The following NRAS variants were observed in gnomAD, a reference collection of about 807,000 sequenced individuals.
NRAS encodes GTPase NRas.
NRAS carries 6 observed loss-of-function variants against 21.3 expected under a neutral mutation model. That is an observed-to-expected ratio of 0.28 (90% CI 0.15 to 0.56). The LOEUF is 0.56. Ranked by LOEUF, NRAS falls within the 20% of genes least tolerant of loss-of-function variation. The pLI is 0.93. For synonymous variants in NRAS, 84 were observed against 82.0 expected (o/e 1.02, Z -0.13); for missense variants, 143 against 231.3 (o/e 0.62, Z 2.48).
rs561454027 is a variant in NRAS, at chr1:114,704,903, G to A, written c.*3191C>T. 6.6e-6 allele frequency: 1 copy of A among 152,246 alleles called. No individual in the cohort carries two copies. The highest frequency in any genetic ancestry group is 2.4e-5 in the African/African-American group (1 of 41,546). 9.4% of individuals were successfully genotyped at this position (152,246 alleles called of 1,614,324 possible). A position where few individuals can be genotyped will look rare whatever the true frequency, so the allele number is the denominator to read the frequency against. On this transcript the variant is annotated 3_prime_UTR_variant, in exon 7 of 7. Transcript: ENST00000369535. ...GCACATTAGACTGCTCAAAGAAACA[G>A]CAAAGATGAAAAATAATGTACAAGA...
Position 114,705,340 on chromosome 1 carries a change from C to A in NRAS, c.*2754G>T, listed in dbSNP as rs1269671992. ...CTATAGTAAGCCGTTGGAGCAAATA[C>A]AGCATTTAACAGGTTCATTTACAGA... On this transcript the variant is annotated 3_prime_UTR_variant, in exon 7 of 7. Coordinates refer to ENST00000369535, the MANE Select transcript of NRAS (RefSeq NM_002524.5). 1 of 152,190 alleles carries A rather than the reference C, an allele frequency of 6.6e-6. No individual in the cohort carries two copies. Among genetic ancestry groups the A allele is most frequent in the Admixed American group, 6.5e-5 (1 of 15,286 alleles). 9.4% of individuals were successfully genotyped at this position (152,190 alleles called of 1,614,324 possible).
Position 114,716,040 on chromosome 1 carries a change from T to C in NRAS, c.111+10A>G, listed in dbSNP as rs1659156787. The C allele has an allele frequency of 1.3e-6, 2 of 1,514,960 alleles. No individual in the cohort carries two copies. Among genetic ancestry groups the C allele is most frequent in the East Asian group, 2.2e-5 (1 of 44,472 alleles). 93.8% of individuals were successfully genotyped at this position (1,514,960 alleles called of 1,614,324 possible). A position where few individuals can be genotyped will look rare whatever the true frequency, so the allele number is the denominator to read the frequency against. On this transcript the variant is annotated intron_variant, in intron 2 of 6. Coordinates refer to ENST00000369535, the MANE Select transcript of NRAS (RefSeq NM_002524.5). The stretch of plus-strand genomic sequence containing the variant: ...CAGGATCAGGTCAGCGGGCTACCAC[T>C]GGGCCTCACCTCTATGGTGGGATCA...
chr1:114,716,307 A>C (rs1290696827), intron 1 of NRAS, 130 bp from the exon 2 acceptor site: 2 of 708,242 alleles, frequency 2.8e-6, no homozygotes, highest in Non-Finnish European at 2.6e-6. Flanking sequence ...TAGAGAACGC[A>C]AAAACACCGG....
rs1328956533 is a variant in NRAS, at chr1:114,705,628, A to C, written c.*2466T>G. On this transcript the variant is annotated 3_prime_UTR_variant, in exon 7 of 7. Transcript: ENST00000369535. ...GTGCCAAAATTCACACCTAGGTGTA[A>C]CTTTTTTTTTGGAGACAAGTCTCTC... 1 of 152,152 alleles carries C rather than the reference A, an allele frequency of 6.6e-6. No individual in the cohort carries two copies. The highest frequency in any genetic ancestry group is 2.4e-5 in the African/African-American group (1 of 41,430). The allele number at this position is 152,152 out of a possible 1,614,324, so 9.4% of individuals were successfully genotyped here. A position where few individuals can be genotyped will look rare whatever the true frequency, so the allele number is the denominator to read the frequency against.
At chr1:114,708,793 A>C (rs1436382651) in intron 4 of NRAS, 139 bp from the exon 5 acceptor site, 2 of 757,794 alleles carry the variant, frequency 2.6e-6, no homozygotes, top group Non-Finnish European at 4.3e-6. Context: ...AAAATAAAAT[A>C]TGGTGATTTA....
chr1:114,713,035 G>A (rs1048956803), intron 3 of NRAS, among the ~76,000 whole-genome samples: 2 of 152,156 alleles, frequency 1.3e-5, no homozygotes, highest in East Asian at 1.9e-4. Context: ...TTCTGATTCT[G>A]CAAAATAAGA....
rs1421701076 is a variant in NRAS at position 114,706,672 on chromosome 1, T to A, written c.*1422A>T. 4 of 152,224 alleles carry A rather than the reference T, an allele frequency of 2.6e-5. No homozygotes were observed. Among genetic ancestry groups the A allele is most frequent in the African/African-American group, 9.6e-5 (4 of 41,456 alleles). The allele number at this position is 152,224 out of a possible 1,614,324, so 9.4% of individuals were successfully genotyped here. On this transcript the variant is annotated 3_prime_UTR_variant, in exon 7 of 7. Transcript: ENST00000369535. Reference sequence around the variant, plus strand: ...GAGTTTTCCAGTCATGGTAAAGGGTTTGTGCTAACTGACCTCTTCTTTCCT... The same window carrying A: ...GAGTTTTCCAGTCATGGTAAAGGGTATGTGCTAACTGACCTCTTCTTTCCT...
intron 4 of NRAS, 83 bp downstream of exon 4, chr1:114,709,486 A>G: frequency 8.8e-7 from 1 of 1,139,302 alleles, no homozygotes; most frequent in Non-Finnish European, 1.3e-6. Flanking sequence ...ATAACAACAA[A>G]GAATATGAAT....
At position 114,705,895 on chromosome 1, in the gene NRAS, A is replaced by G. The variant is rs1463524253; in HGVS notation, c.*2199T>C. The G allele has an allele frequency of 6.6e-6, 1 of 152,226 alleles. No homozygotes were observed. Among genetic ancestry groups the G allele is most frequent in the African/African-American group, 2.4e-5 (1 of 41,464 alleles). 9.4% of individuals were successfully genotyped at this position (152,226 alleles called of 1,614,324 possible). On this transcript the variant is annotated 3_prime_UTR_variant, in exon 7 of 7. Transcript: ENST00000369535. ...TGGAAAACTCTAAGTACATACATAC[A>G]AGGGCTATTGGCACAAGAGCCCAAG...
chr1:114,713,679 C>A, intron 3 of NRAS, 121 bp downstream of exon 3: 1 of 845,770 alleles, frequency 1.2e-6, no homozygotes, highest in Non-Finnish European at 2.0e-6. Context: ...TGTCAAACAA[C>A]CTAAAACCAA....
chr1:114,715,939 A>C, intron 2 of NRAS, 111 bp downstream of exon 2: 1 of 767,676 alleles, frequency 1.3e-6, no homozygotes, highest in Middle Eastern at 2.3e-4. Context: ...ATGTATACCC[A>C]AAATAACTTT....
At position 114,713,807 on chromosome 1, in the gene NRAS, G is replaced by A. The variant is rs1171006685; in HGVS notation, c.283C>T (p.Leu95Phe). ...AAATAATGCTCCTAGTACCTGTAGA[G>A]GTTAATATCCGCAAATGACTTGCTA... is the stretch of plus-strand genomic sequence containing the variant. ...NNSKSFADIN[L>F]YREQIKRVKD... Residue 95 changes from leucine to phenylalanine, a missense_variant, in exon 3 of 7, where the codon CTC becomes TTC. Physicochemically the swap from Leu to Phe is conservative, Grantham distance 22. Coordinates refer to ENST00000369535, the MANE Select transcript of NRAS (RefSeq NM_002524.5). 4 of 1,613,254 alleles carry A rather than the reference G, an allele frequency of 2.5e-6. No homozygotes were observed. The highest frequency in any genetic ancestry group is 3.3e-5 in the Admixed American group (2 of 60,020).
At position 114,707,843 on chromosome 1, in the gene NRAS, G is replaced by T. The variant is rs1455494878; in HGVS notation, c.*251C>A. On this transcript the variant is annotated 3_prime_UTR_variant, in exon 7 of 7. Transcript: ENST00000369535. The stretch of plus-strand genomic sequence containing the variant: ...GTGTTTGTGCTGTGGAAGAACCCAG[G>T]GCAGAAAAATAACAGGGAGTAACAA... The T allele has an allele frequency of 2.6e-5, 4 of 152,844 alleles. No homozygotes were observed. Among genetic ancestry groups the T allele is most frequent in the Admixed American group, 2.0e-4 (3 of 15,290 alleles). 9.5% of individuals were successfully genotyped at this position (152,844 alleles called of 1,614,324 possible).
At chr1:114,712,848 C>T (rs1003727132) in intron 3 of NRAS, among the ~76,000 whole-genome samples, 1 of 152,304 alleles carries the variant, frequency 6.6e-6, no homozygotes, top group South Asian at 2.1e-4. Flanking sequence ...CCCTGAGTCA[C>T]GTCGCTAATA....
intron 4 of NRAS, 69 bp downstream of exon 4, chr1:114,709,500 G>T (rs1658993076): frequency 8.2e-7 from 1 of 1,223,904 alleles, no homozygotes; most frequent in Non-Finnish European, 1.2e-6. Flanking sequence ...TATGAATATG[G>T]ATCACATCTC....
In NRAS at chr1:114,716,120, A is replaced by C. The variant is rs1308441238; in HGVS notation, c.41T>G (p.Val14Gly). ...YKLVVVGAGGVGKSALTIQLI... is the reference protein window; with the variant it reads ...YKLVVVGAGGGGKSALTIQLI... ...CTGGATTGTCAGTGCGCTTTTCCCAACACCACCTGCTCCAACCACCACCAG... is the reference window on the plus strand; with the variant it reads ...CTGGATTGTCAGTGCGCTTTTCCCACCACCACCTGCTCCAACCACCACCAG... Residue 14 changes from valine (V) to glycine (G), a missense_variant, in exon 2 of 7, where the codon GTT becomes GGT. Transcript: ENST00000369535. 2 of 1,614,016 alleles carry C rather than the reference A, an allele frequency of 1.2e-6. No individual in the cohort carries two copies. Among genetic ancestry groups the C allele is most frequent in the Admixed American group, 1.7e-5 (1 of 60,008 alleles).
intron 3 of NRAS, 142 bp downstream of exon 3, chr1:114,713,658 T>C: frequency 1.4e-6 from 1 of 706,050 alleles, no homozygotes; most frequent in Non-Finnish European, 2.5e-6. Flanking sequence ...GTAATTACCC[T>C]AGATTCTCAA....
rs1658966712 is a variant in NRAS, at chr1:114,708,541, C to G, written c.564G>C (p.Val188=). ...TQGCMGLPCV[V]M Reference sequence around the variant, plus strand: ...AAACCATATGCTCACCTTGTTACATCACCACACATGGCAATCCCATACAAC... The same window carrying G: ...AAACCATATGCTCACCTTGTTACATGACCACACATGGCAATCCCATACAAC... Residue 188 remains valine, a synonymous_variant, in exon 5 of 7, where the codon GTG becomes GTC. Transcript: ENST00000369535. 6.2e-7 allele frequency: 1 copy of G among 1,613,814 alleles called. No individual in the cohort carries two copies. The highest frequency in any genetic ancestry group is 1.7e-5 in the Admixed American group (1 of 59,996).
intron 3 of NRAS, among the ~76,000 whole-genome samples, 187 bp from the exon 4 acceptor site, chr1:114,709,915 G>T (rs1424956626): frequency 6.6e-6 from 1 of 152,058 alleles, no homozygotes; most frequent in East Asian, 1.9e-4. Flanking sequence ...AGATTAGGCT[G>T]GGTGCAGTGG....
Sources: allele counts gnomAD v4.1 joint callset (sites outside exome capture counted in the v4.1 genomes callset), GRCh38; gene constraint gnomAD v4.1.1; transcripts MANE v1.5; gene names NCBI Gene and HGNC (gene_info 2026-07-23, HGNC 2026-07-21).